Variants in TRAF3IP3 observed in about 807,000 individuals in gnomAD.
TRAF3IP3 encodes TRAF3-interacting JNK-activating modulator.
Under a neutral mutation model 86.5 loss-of-function variants are expected in TRAF3IP3, and 64 were observed. The observed-to-expected ratio is 0.74, with a 90% CI of 0.60 to 0.91. TRAF3IP3 has a LOEUF of 0.91. Ranked by LOEUF, TRAF3IP3 falls within the 40% of genes least tolerant of loss-of-function variation. TRAF3IP3 has a pLI of 0.00. For missense variants in TRAF3IP3, 579 were observed against 642.9 expected, an observed-to-expected ratio of 0.90 and a Z score of 1.07; for synonymous variants, 220 against 243.9, an observed-to-expected ratio of 0.90 and a Z score of 0.91.
At chr1:209,771,637 G>A (rs1168420759) in intron 8 of TRAF3IP3, among the ~76,000 whole-genome samples, 2 of 147,376 alleles carry the variant, frequency 1.4e-5, no homozygotes, top group Non-Finnish European at 1.5e-5. Flanking sequence ...GGAGGTGTGC[G>A]TGTGCATGTG....
At chr1:209,768,509 T>C (rs888286216) in intron 8 of TRAF3IP3, 33 of 985,538 alleles carry the variant, frequency 3.3e-5, no homozygotes, top group Non-Finnish European at 3.7e-5. Context: ...GCAGCGGGGA[T>C]TGGCTGAAGC....
chr1:209,775,782 AG>A lies in TRAF3IP3; in HGVS notation c.1053+49del, dbSNP rs1368110409. 1.9e-6 allele frequency: 3 copies of A among 1,542,788 alleles called. No individual in the cohort carries two copies. The East Asian group carries it at 6.8e-5, about 35-fold the overall frequency. On this transcript the variant is annotated intron_variant, in intron 11 of 16. Coordinates refer to ENST00000367025, the MANE Select transcript of TRAF3IP3 (RefSeq NM_025228.4). ...GGAGGGAAGACAGGGTATGGGGAGG[AG>A]GGATGGTGATGAAAGAAGCTGTTCT...
intron 9 of TRAF3IP3, among the ~76,000 whole-genome samples, chr1:209,774,255 T>C (rs974562087): frequency 1.3e-5 from 2 of 152,222 alleles, no homozygotes; most frequent in African/African-American, 4.8e-5. Context: ...TGCAAATGTA[T>C]TAATTTTAAA....
intron 8 of TRAF3IP3, chr1:209,768,169 A>G: frequency 2.0e-6 from 2 of 985,472 alleles, no homozygotes; most frequent in Non-Finnish European, 2.4e-6. Flanking sequence ...GAAAGTGGCC[A>G]GAACTGGTTC....
Position 209,775,465 on chromosome 1 carries a change from A to C in TRAF3IP3, c.891A>C (p.Ala297=). The change falls in exon 10 of 17, where the codon GCA becomes GCC. Residue 297 remains alanine, a synonymous_variant. Transcript: ENST00000367025. ...LQKVLEEKMN[A]EQQLQSTQRS... is the part of the protein sequence containing the mutation. ...AAGTGCTGGAGGAGAAAATGAATGCAGAGCAGCAACTACAGAGCACACAGG... is the reference window on the plus strand; with the variant it reads ...AAGTGCTGGAGGAGAAAATGAATGCCGAGCAGCAACTACAGAGCACACAGG... The C allele has an allele frequency of 6.2e-7, 1 of 1,614,266 alleles. No homozygotes were observed. The highest frequency in any genetic ancestry group is 8.5e-7 in the Non-Finnish European group (1 of 1,180,050).
At chr1:209,771,311 G>C (rs1558020950) in intron 8 of TRAF3IP3, among the ~76,000 whole-genome samples, 1 of 120,116 alleles carries the variant, frequency 8.3e-6, no homozygotes, top group Admixed American at 7.5e-5. Flanking sequence ...GCATGTGAAG[G>C]TGTGTGTGTG....
intron 3 of TRAF3IP3, 31 bp from the exon 4 acceptor site, chr1:209,762,484 T>C: frequency 6.9e-7 from 1 of 1,439,788 alleles, no homozygotes; most frequent in Non-Finnish European, 9.2e-7. Context: ...CTCCAGGCAG[T>C]GGTTTTCAGC....
At chr1:209,757,320 G>T (rs969645998) in intron 1 of TRAF3IP3, among the ~76,000 whole-genome samples, 1 of 152,204 alleles carries the variant, frequency 6.6e-6, no homozygotes, top group Non-Finnish European at 1.5e-5. Flanking sequence ...CTCAGGCACT[G>T]TCTTCTCCCC....
In TRAF3IP3 at chr1:209,777,339, C is replaced by T. The variant is rs901423562; in HGVS notation, c.1054-13C>T. 1.9e-6 allele frequency: 3 copies of T among 1,611,664 alleles called. No individual in the cohort carries two copies. Among genetic ancestry groups the T allele is most frequent in the Admixed American group, 3.3e-5 (2 of 59,926 alleles). On this transcript the variant is annotated splice_polypyrimidine_tract_variant and intron_variant, in intron 11 of 16. Coordinates refer to ENST00000367025, the MANE Select transcript of TRAF3IP3 (RefSeq NM_025228.4). ...TGACCTCCTTCTATATTGGCCCTTC[C>T]TCCTCCTTACAGGGAGCAGATAGCA...
intron 8 of TRAF3IP3, chr1:209,768,649 G>C: frequency 1.0e-6 from 1 of 985,732 alleles, no homozygotes; most frequent in South Asian, 4.7e-5. Flanking sequence ...GAAGACCTCA[G>C]ACCGGCACCA....
chr1:209,775,244 C>A, intron 9 of TRAF3IP3, 105 bp from the exon 10 acceptor site: 1 of 1,109,188 alleles, frequency 9.0e-7, no homozygotes, highest in South Asian at 1.6e-5. Context: ...TTACTGGTAT[C>A]TCTGCCTGGG....
At chr1:209,778,653 T>C (rs2077710483) in intron 13 of TRAF3IP3, 1 of 155,224 alleles carries the variant, frequency 6.4e-6, no homozygotes. Flanking sequence ...ACTCAATTAA[T>C]ACAGCTGCTG....
chr1:209,774,948 A>AG (rs2077621569), intron 9 of TRAF3IP3, among the ~76,000 whole-genome samples: 1 of 152,134 alleles, frequency 6.6e-6, no homozygotes, highest in African/African-American at 2.4e-5. Context: ...AACTGATTAG[A>AG]GGGGGAGGAA....
chr1:209,761,824 C>T (rs2077250085), intron 3 of TRAF3IP3, among the ~76,000 whole-genome samples: 1 of 152,244 alleles, frequency 6.6e-6, no homozygotes, highest in African/African-American at 2.4e-5. Flanking sequence ...AGTTCTCTTT[C>T]CACATCACCA....
intron 4 of TRAF3IP3, 66 bp downstream of exon 4, chr1:209,762,728 A>C: frequency 3.8e-6 from 6 of 1,560,374 alleles, no homozygotes; most frequent in Non-Finnish European, 4.4e-6. Flanking sequence ...GTCCCAGCTC[A>C]CTGGCAATGG....
At chr1:209,761,938 T>C (rs1340806607) in intron 3 of TRAF3IP3, among the ~76,000 whole-genome samples, 1 of 152,244 alleles carries the variant, frequency 6.6e-6, no homozygotes, top group East Asian at 1.9e-4. Context: ...CAGCTCCACA[T>C]ATGCCTGGCC....
At chr1:209,766,274 C>G (rs1259125376) in intron 8 of TRAF3IP3, among the ~76,000 whole-genome samples, 2 of 152,194 alleles carry the variant, frequency 1.3e-5, no homozygotes, top group South Asian at 2.1e-4. Context: ...GGGCAGACAG[C>G]TGTGCACGTG....
At chr1:209,770,894 A>C (rs2077478535) in intron 8 of TRAF3IP3, among the ~76,000 whole-genome samples, 1 of 132,184 alleles carries the variant, frequency 7.6e-6, no homozygotes. Context: ...GTGCGTGTGC[A>C]GGTGAAGGTG....
In TRAF3IP3 at chr1:209,782,151, A is replaced by G; in HGVS notation, c.*3A>G. 6.2e-7 allele frequency: 1 copy of G among 1,612,144 alleles called. No homozygotes were observed. The highest frequency in any genetic ancestry group is 8.5e-7 in the Non-Finnish European group (1 of 1,178,132). On this transcript the variant is annotated 3_prime_UTR_variant, in exon 17 of 17. Coordinates refer to ENST00000367025, the MANE Select transcript of TRAF3IP3 (RefSeq NM_025228.4). ...ATAAAGACAACCTGATGATCTGAAT[A>G]ATTTGTGACAACTGCCTTGGGTGAA...
Sources: allele counts gnomAD v4.1 joint callset (sites outside exome capture counted in the v4.1 genomes callset), GRCh38; gene constraint gnomAD v4.1.1; transcripts MANE v1.5; gene names NCBI Gene and HGNC (gene_info 2026-07-23, HGNC 2026-07-21).